MYO1D: variants seen among roughly 807,000 people sequenced by gnomAD.
MYO1D encodes myosin ID.
Under a neutral mutation model 122.0 loss-of-function variants are expected in MYO1D, and 83 were observed. The ratio of observed to expected loss-of-function variants is 0.68; its 90% confidence interval spans 0.57 to 0.82. The LOEUF (loss-of-function observed/expected upper bound fraction) is 0.82. Among genes scored for constraint, MYO1D ranks in the 40% least tolerant of loss-of-function variants. The pLI is 0.00. For synonymous variants in MYO1D, 464 were observed against 446.9 expected, an observed-to-expected ratio of 1.04 and a Z score of -0.48; for missense variants, 1,157 against 1,269.5, an observed-to-expected ratio of 0.91 and a Z score of 1.35.
intron 21 of MYO1D, among the ~76,000 whole-genome samples, chr17:32,604,140 C>G (rs1208926467): frequency 6.6e-6 from 1 of 151,222 alleles, no homozygotes; most frequent in Non-Finnish European, 1.5e-5. Flanking sequence ...ATGTGGACAT[C>G]TGATTCCAAA....
intron 21 of MYO1D, among the ~76,000 whole-genome samples, chr17:32,501,045 C>T (rs1281490406): frequency 2.0e-5 from 3 of 151,442 alleles, no homozygotes; most frequent in Non-Finnish European, 4.4e-5. Context: ...TTGAGGTTGG[C>T]GGCTCCTCAG....
At chr17:32,786,688 C>T (rs1172962154) in intron 1 of MYO1D, among the ~76,000 whole-genome samples, 4 of 152,076 alleles carry the variant, frequency 2.6e-5, no homozygotes, top group Admixed American at 6.6e-5. Context: ...GGAGTGGTGG[C>T]GCATACCTGT....
intron 1 of MYO1D, among the ~76,000 whole-genome samples, chr17:32,855,752 G>C (rs1051430255): frequency 6.6e-6 from 1 of 152,156 alleles, no homozygotes; most frequent in Admixed American, 6.5e-5. Flanking sequence ...AAATAGGTCT[G>C]TAGAAGCCAA....
intron 1 of MYO1D, among the ~76,000 whole-genome samples, chr17:32,784,391 A>C (rs535524176): frequency 6.6e-6 from 1 of 151,844 alleles, no homozygotes; most frequent in Non-Finnish European, 1.5e-5. Flanking sequence ...TCCTCTATGG[A>C]GTCACTCTTA....
At chr17:32,653,735 G>A in intron 19 of MYO1D, 108 bp downstream of exon 19, 1 of 850,850 alleles carries the variant, frequency 1.2e-6, no homozygotes, top group Non-Finnish European at 1.9e-6. Context: ...AACTGATGAT[G>A]AAGCTAGTTA....
At position 32,552,403 on chromosome 17, in the gene MYO1D, TCCATCCATCCATCCAC is replaced by T. The variant is rs752595717; in HGVS notation, c.2864+52668_2864+52683del. ...ATTGCTCACTCTTTAACCTTTGTAA[TCCATCCATCCATCCAC>T]CCATCCATCCATCCATCCATCCATC... On this transcript the variant is annotated intron_variant, in intron 21 of 21. Coordinates refer to ENST00000318217, the MANE Select transcript of MYO1D (RefSeq NM_015194.3). Among the ~76,000 whole-genome samples, 371 of 114,388 alleles carry T rather than the reference TCCATCCATCCATCCAC, an allele frequency of 3.2e-3. 3 individuals are homozygous for T. The highest frequency in any genetic ancestry group is 5.4e-3 in the Non-Finnish European group (257 of 47,772). 75.0% of individuals were successfully genotyped at this position (114,388 alleles called of 152,430 possible). A position where few individuals can be genotyped will look rare whatever the true frequency, so the allele number is the denominator to read the frequency against.
At position 32,790,226 on chromosome 17, in the gene MYO1D, T is replaced by C. The variant is rs796477820; in HGVS notation, c.96-9442A>G. Among the ~76,000 whole-genome samples, 10 of 152,288 alleles carry C rather than the reference T, an allele frequency of 6.6e-5. 1 individual carries two copies. Among genetic ancestry groups the C allele is most frequent in the African/African-American group, 1.4e-4 (6 of 41,546 alleles). On this transcript the variant is annotated intron_variant, in intron 1 of 21. Coordinates refer to ENST00000318217, the MANE Select transcript of MYO1D (RefSeq NM_015194.3). Reference sequence around the variant, plus strand: ...GTATGATCTTAAAATATAAATCTTATCTTACTCTGCATTCCTAGCCTTAAA... The same window carrying C: ...GTATGATCTTAAAATATAAATCTTACCTTACTCTGCATTCCTAGCCTTAAA...
intron 21 of MYO1D, among the ~76,000 whole-genome samples, chr17:32,569,906 G>T (rs1203434185): frequency 1.3e-5 from 2 of 152,098 alleles, no homozygotes; most frequent in Non-Finnish European, 2.9e-5. Flanking sequence ...CACTAGATGG[G>T]GACAGCTGCT....
chr17:32,511,820 G>A (rs1242124036), intron 21 of MYO1D, among the ~76,000 whole-genome samples: 1 of 152,116 alleles, frequency 6.6e-6, no homozygotes, highest in Admixed American at 6.5e-5. Context: ...TTAGTGGTTT[G>A]TCGGGAACGC....
chr17:32,525,841 G>A (rs1437490546), intron 21 of MYO1D, among the ~76,000 whole-genome samples: 1 of 152,114 alleles, frequency 6.6e-6, no homozygotes, highest in East Asian at 1.9e-4. Flanking sequence ...GAGAGGCAGG[G>A]TCACTCAGCC....
At chr17:32,529,429 G>C (rs1391494077) in intron 21 of MYO1D, among the ~76,000 whole-genome samples, 1 of 152,220 alleles carries the variant, frequency 6.6e-6, no homozygotes, top group East Asian at 1.9e-4. Context: ...TTTTGCAGTT[G>C]TAAGTTTCTC....
At chr17:32,766,946 T>C (rs1015381948) in intron 7 of MYO1D, among the ~76,000 whole-genome samples, 1 of 152,236 alleles carries the variant, frequency 6.6e-6, no homozygotes, top group Non-Finnish European at 1.5e-5. Context: ...TGCTATATAA[T>C]ATTTTTCATA....
At chr17:32,707,784 G>A (rs1203244688) in intron 16 of MYO1D, among the ~76,000 whole-genome samples, 1 of 152,212 alleles carries the variant, frequency 6.6e-6, no homozygotes, top group African/African-American at 2.4e-5. Context: ...TGAGAATCTG[G>A]AATTTTGGTA....
At chr17:32,871,212 A>AC (rs562908597) in intron 1 of MYO1D, among the ~76,000 whole-genome samples, 8 of 151,536 alleles carry the variant, frequency 5.3e-5, no homozygotes, top group Admixed American at 1.3e-4. Flanking sequence ...CCCACACACA[A>AC]CCCCCCCAGG....
intron 1 of MYO1D, among the ~76,000 whole-genome samples, chr17:32,873,020 T>C (rs112296891): frequency 1.3e-5 from 2 of 152,108 alleles, no homozygotes. Context: ...AAAGTAAAAA[T>C]GGTAGGAGAA....
chr17:32,822,711 C>A (rs1457915039), intron 1 of MYO1D, among the ~76,000 whole-genome samples: 2 of 151,006 alleles, frequency 1.3e-5, no homozygotes, highest in African/African-American at 2.4e-5. Flanking sequence ...CTCTTTCCTC[C>A]GCACGGGTCG....
intron 16 of MYO1D, among the ~76,000 whole-genome samples, chr17:32,686,729 G>A (rs2089013445): frequency 6.6e-6 from 1 of 152,076 alleles, no homozygotes; most frequent in South Asian, 2.1e-4. Flanking sequence ...AGCTGAGGTG[G>A]TGGTACACAC....
chr17:32,564,175 G>A (rs2087151423), intron 21 of MYO1D, among the ~76,000 whole-genome samples: 1 of 152,234 alleles, frequency 6.6e-6, no homozygotes, highest in South Asian at 2.1e-4. Context: ...CCTGGGGGCA[G>A]TAAGCAGAGC....
intron 21 of MYO1D, chr17:32,497,545 T>C (rs964223270): frequency 6.6e-6 from 1 of 152,216 alleles, no homozygotes; most frequent in Non-Finnish European, 1.5e-5. Context: ...TGCTCCAGAT[T>C]GCTGCTTCCC....
Sources: allele counts gnomAD v4.1 joint callset (sites outside exome capture counted in the v4.1 genomes callset), GRCh38; gene constraint gnomAD v4.1.1; transcripts MANE v1.5; gene names NCBI Gene and HGNC (gene_info 2026-07-23, HGNC 2026-07-21).